The following TRAK1 variants were observed in gnomAD, a reference collection of about 807,000 sequenced individuals.
The protein encoded by TRAK1 is trafficking kinesin-binding protein 1.
Under a neutral mutation model 92.1 loss-of-function variants are expected in TRAK1, and 33 were observed. The ratio of observed to expected loss-of-function variants is 0.36; its 90% confidence interval spans 0.27 to 0.48. The LOEUF is 0.48. Among genes scored for constraint, TRAK1 ranks in the 20% least tolerant of loss-of-function variants. TRAK1 has a pLI of 0.99. For missense variants in TRAK1, 1,123 were observed against 1,257.9 expected, an observed-to-expected ratio of 0.89 and a Z score of 1.62; for synonymous variants, 521 against 517.3, an observed-to-expected ratio of 1.01 and a Z score of -0.10.
chr3:42,111,190 G>GAA (rs1425870691), intron 1 of TRAK1, among the ~76,000 whole-genome samples: 1 of 152,078 alleles, frequency 6.6e-6, no homozygotes, highest in Admixed American at 6.6e-5. Flanking sequence ...CTGAGACGGT[G>GAA]AAAAAAGATT....
intron 9 of TRAK1, 152 bp downstream of exon 9, chr3:42,194,050 C>G: frequency 1.3e-6 from 1 of 768,548 alleles, no homozygotes; most frequent in Non-Finnish European, 2.1e-6. Flanking sequence ...CCCAGTTGCA[C>G]CTTGGTTCTG....
At chr3:42,051,116 G>T (rs902421545) in intron 1 of TRAK1, 3 of 152,226 alleles carry the variant, frequency 2.0e-5, no homozygotes, top group African/African-American at 4.8e-5. Context: ...CAGTCTACCT[G>T]CCTTGGTCTC....
intron 1 of TRAK1, among the ~76,000 whole-genome samples, chr3:42,063,294 A>G (rs1211977195): frequency 6.6e-6 from 1 of 152,202 alleles, no homozygotes; most frequent in South Asian, 2.1e-4. Flanking sequence ...GCCCTGCCCT[A>G]AGCCATTGCT....
chr3:42,201,230 G>A (rs778875891), intron 12 of TRAK1, among the ~76,000 whole-genome samples, 176 bp downstream of exon 12: 31 of 152,150 alleles, frequency 2.0e-4, no homozygotes, highest in Non-Finnish European at 3.7e-4. Context: ...AGACCGAGGC[G>A]GGAGGATTGC....
At chr3:42,069,131 G>A (rs187063960) in intron 1 of TRAK1, among the ~76,000 whole-genome samples, 64 of 152,150 alleles carry the variant, frequency 4.2e-4, no homozygotes, top group African/African-American at 1.5e-3. Context: ...GAGCACAGGA[G>A]TTTGAACAAC....
intron 1 of TRAK1, among the ~76,000 whole-genome samples, chr3:42,027,773 C>T (rs1701974626): frequency 6.6e-6 from 1 of 152,072 alleles, no homozygotes; most frequent in African/African-American, 2.4e-5. Flanking sequence ...AAACCAGGAA[C>T]AACCATTTTT....
At chr3:42,147,452 C>T (rs1699452781) in intron 2 of TRAK1, among the ~76,000 whole-genome samples, 1 of 152,118 alleles carries the variant, frequency 6.6e-6, no homozygotes, top group Non-Finnish European at 1.5e-5. Context: ...GGTGTCATTC[C>T]CTTGTCTCCT....
chr3:42,057,545 C>T (rs1284131166), intron 1 of TRAK1, among the ~76,000 whole-genome samples: 2 of 152,090 alleles, frequency 1.3e-5, no homozygotes, highest in African/African-American at 4.8e-5. Context: ...GGCCCCATTC[C>T]CTTTGCTGTA....
In TRAK1 at chr3:42,032,480, G is replaced by GAAAAAA. The variant is rs57423237; in HGVS notation, c.-519+18374_-519+18379dup. On this transcript the variant is annotated intron_variant, in intron 1 of 16. Transcript: ENST00000487159. ...AAATACACCCGGAGTGGGTCAACCTGAAAAAAAAAAAAAAAACCATCTTTG... is the reference window on the plus strand; with the variant it reads ...AAATACACCCGGAGTGGGTCAACCTGAAAAAAAAAAAAAAAAAAAAAACCATCTTTG... Among the ~76,000 whole-genome samples the GAAAAAA allele has an allele frequency of 1.2e-4, 15 of 120,894 alleles. 1 individual carries two copies. Among genetic ancestry groups the GAAAAAA allele is most frequent in the African/African-American group, 3.9e-4 (14 of 36,064 alleles). The allele number at this position is 120,894 out of a possible 152,430, so 79.3% of individuals were successfully genotyped here. A position where few individuals can be genotyped will look rare whatever the true frequency, so the allele number is the denominator to read the frequency against.
At chr3:42,056,327 C>T (rs1703203071) in intron 1 of TRAK1, among the ~76,000 whole-genome samples, 1 of 152,172 alleles carries the variant, frequency 6.6e-6, no homozygotes, top group Non-Finnish European at 1.5e-5. Context: ...CTGGTTTGTC[C>T]ATGTCCTTGC....
intron 1 of TRAK1, among the ~76,000 whole-genome samples, chr3:42,118,654 G>A (rs1203846134): frequency 6.6e-6 from 1 of 152,216 alleles, no homozygotes; most frequent in Non-Finnish European, 1.5e-5. Flanking sequence ...TGCCAAGCAG[G>A]CTCCAGCACA....
At chr3:42,211,561 G>C in intron 14 of TRAK1, 1 of 985,438 alleles carries the variant, frequency 1.0e-6, no homozygotes, top group Non-Finnish European at 1.2e-6. Flanking sequence ...CGTGGCTAAA[G>C]GGGTAGGCCT....
rs7618463 is a variant in TRAK1, at chr3:42,189,504, G to A, written c.690+380G>A. Among the ~76,000 whole-genome samples, 823 of 152,224 alleles carry A rather than the reference G, an allele frequency of 5.4e-3. 13 individuals carry two copies. The highest frequency in any genetic ancestry group is 0.019 in the African/African-American group (781 of 41,532). On this transcript the variant is annotated intron_variant, in intron 6 of 15. Transcript: ENST00000327628. ...CAGATGCTCAAGGAAGTAGTCCATGGGTGCTCAGAGAGAGCCATATTTCTT... is the reference window on the plus strand; with the variant it reads ...CAGATGCTCAAGGAAGTAGTCCATGAGTGCTCAGAGAGAGCCATATTTCTT...
intron 2 of TRAK1, among the ~76,000 whole-genome samples, chr3:42,142,775 A>G (rs576134554): frequency 4.2e-4 from 64 of 152,316 alleles, no homozygotes; most frequent in Non-Finnish European, 7.5e-4. Flanking sequence ...TCATTTTGAT[A>G]GTCATTGAAG....
intron 2 of TRAK1, among the ~76,000 whole-genome samples, chr3:42,135,598 A>G (rs1412049706): frequency 2.0e-5 from 3 of 152,168 alleles, no homozygotes; most frequent in Non-Finnish European, 2.9e-5. Context: ...AAACATGAAA[A>G]GTCTCATCCA....
intron 3 of TRAK1, among the ~76,000 whole-genome samples, chr3:42,179,859 G>T (rs1471340458): frequency 6.6e-6 from 1 of 152,006 alleles, no homozygotes; most frequent in Non-Finnish European, 1.5e-5. Context: ...TCTCATTGTA[G>T]TTTAATCCAG....
At chr3:42,179,098 A>T (rs1445879771) in intron 3 of TRAK1, among the ~76,000 whole-genome samples, 1 of 152,248 alleles carries the variant, frequency 6.6e-6, no homozygotes, top group Admixed American at 6.5e-5. Context: ...GATTATAGGC[A>T]TGAACCACCG....
chr3:42,070,276 A>T (rs1281441710), intron 1 of TRAK1, among the ~76,000 whole-genome samples: 3 of 148,252 alleles, frequency 2.0e-5, no homozygotes, highest in African/African-American at 7.3e-5. Context: ...AATTATGAAT[A>T]ATAATTATAA....
intron 13 of TRAK1, among the ~76,000 whole-genome samples, chr3:42,207,175 C>A (rs1414438722): frequency 6.6e-6 from 1 of 152,138 alleles, no homozygotes; most frequent in Non-Finnish European, 1.5e-5. Flanking sequence ...AGTGTACAGT[C>A]CCAAACTGAA....
Sources: allele counts gnomAD v4.1 joint callset (sites outside exome capture counted in the v4.1 genomes callset), GRCh38; gene constraint gnomAD v4.1.1; transcripts MANE v1.5; gene names NCBI Gene and HGNC (gene_info 2026-07-23, HGNC 2026-07-21).